Variants in GABRB3 observed in about 807,000 individuals in gnomAD.
GABRB3 encodes gamma-aminobutyric acid type A receptor subunit beta3, also known as gamma-aminobutyric acid receptor subunit beta-3.
A neutral mutation model predicts 52.1 loss-of-function variants in GABRB3; 14 were observed. The ratio of observed to expected loss-of-function variants is 0.27; its 90% CI spans 0.18 to 0.42. The LOEUF is 0.42. GABRB3 is among the 10% of genes least tolerant of loss of function. The pLI, the probability that GABRB3 is intolerant of heterozygous loss-of-function variation, is 1.00. For synonymous variants in GABRB3, 260 were observed against 232.3 expected, an observed-to-expected ratio of 1.12 and a Z score of -1.08; for missense variants, 307 against 609.1, an observed-to-expected ratio of 0.50 and a Z score of 5.22.
In GABRB3 at chr15:26,765,129, C is replaced by CA. The variant is rs3917083; in HGVS notation, c.240+7272dup. Among the ~76,000 whole-genome samples, 10 of 111,040 alleles carry CA rather than the reference C, an allele frequency of 9.0e-5. 1 individual carries two copies. The highest frequency in any genetic ancestry group is 1.4e-4 in the Non-Finnish European group (8 of 58,144). The allele number at this position is 111,040 out of a possible 152,430, so 72.8% of individuals were successfully genotyped here. ...GGGGTGACAGAGCGAGACTCCGACT[C>CA]AAAAAAAAAAAAAAAAGTCAAAACT... On this transcript the variant is annotated intron_variant, in intron 3 of 8. Transcript: ENST00000311550.
chr15:26,684,778 C>T (rs546481657), intron 3 of GABRB3, among the ~76,000 whole-genome samples: 2 of 152,244 alleles, frequency 1.3e-5, no homozygotes, highest in South Asian at 2.1e-4. Flanking sequence ...TTCAGCTCGC[C>T]GTCTTCTATG....
intron 3 of GABRB3, among the ~76,000 whole-genome samples, chr15:26,688,861 G>A (rs1888489340): frequency 6.6e-6 from 1 of 152,228 alleles, no homozygotes; most frequent in Admixed American, 6.5e-5. Context: ...GAGTGGCTAA[G>A]CTGTTGACAG....
At chr15:26,709,002 GATT>G (rs987463514) in intron 3 of GABRB3, among the ~76,000 whole-genome samples, 4 of 151,996 alleles carry the variant, frequency 2.6e-5, no homozygotes, top group African/African-American at 4.8e-5. Context: ...TTTAAATATT[GATT>G]ATTATCTTTT....
intron 3 of GABRB3, among the ~76,000 whole-genome samples, chr15:26,644,893 G>T (rs565303233): frequency 4.6e-5 from 7 of 152,322 alleles, no homozygotes; most frequent in Non-Finnish European, 1.0e-4. Context: ...AACTTGATAG[G>T]TTTGTAGTAA....
chr15:26,565,300 G>T (rs1358962904), intron 7 of GABRB3, among the ~76,000 whole-genome samples: 1 of 152,186 alleles, frequency 6.6e-6, no homozygotes, highest in Non-Finnish European at 1.5e-5. Context: ...AGGAGGGACA[G>T]AGGGAATGCA....
intron 1 of GABRB3, 45 bp downstream of exon 1, chr15:26,772,838 A>G (rs770927664): frequency 6.9e-7 from 1 of 1,443,862 alleles, no homozygotes; most frequent in African/African-American, 1.5e-5. Context: ...CGCCCCGCGC[A>G]CCCCGCGCCC....
intron 4 of GABRB3, among the ~76,000 whole-genome samples, chr15:26,606,805 T>TATAGATAGATAGATAGATAG (rs59223052): frequency 4.2e-5 from 5 of 118,052 alleles, no homozygotes; most frequent in African/African-American, 1.4e-4. Context: ...TAGATATATC[T>TATAGATAGATAGATAGATAG]ATAGATAGAT....
At chr15:26,561,267 A>G in intron 7 of GABRB3, 91 bp from the exon 8 acceptor site, 4 of 1,572,996 alleles carry the variant, frequency 2.5e-6, no homozygotes, top group Non-Finnish European at 3.5e-6. Flanking sequence ...AAACAGCTTT[A>G]AGTAGTCAGA....
intron 3 of GABRB3, among the ~76,000 whole-genome samples, chr15:26,642,061 T>C (rs918666871): frequency 1.3e-5 from 2 of 152,058 alleles, no homozygotes; most frequent in Non-Finnish European, 2.9e-5. Flanking sequence ...AGTTAATTTG[T>C]TAAAGAATTT....
At chr15:26,609,326 G>A (rs898460183) in intron 4 of GABRB3, among the ~76,000 whole-genome samples, 4 of 152,126 alleles carry the variant, frequency 2.6e-5, no homozygotes, top group Admixed American at 1.3e-4. Context: ...ACAGAGAATG[G>A]AGGATGGGGG....
chr15:26,727,945 G>A (rs565734412), intron 3 of GABRB3, among the ~76,000 whole-genome samples: 11 of 151,952 alleles, frequency 7.2e-5, no homozygotes, highest in Non-Finnish European at 1.6e-4. Context: ...ATTCTATCAC[G>A]TACCCCTGAG....
At chr15:26,763,736 G>C (rs999629085) in intron 3 of GABRB3, among the ~76,000 whole-genome samples, 10 of 151,960 alleles carry the variant, frequency 6.6e-5, no homozygotes, top group African/African-American at 2.4e-4. Context: ...TAAAAGAACA[G>C]TGATGTGATG....
At chr15:26,772,639 G>A (rs768949324) in intron 2 of GABRB3, 42 bp downstream of exon 2, 16 of 1,505,088 alleles carry the variant, frequency 1.1e-5, no homozygotes, top group Non-Finnish European at 1.3e-5. Context: ...CGCCGCCGCC[G>A]TGGGTCGCGC....
chr15:26,733,499 A>G (rs1445282639), intron 3 of GABRB3, among the ~76,000 whole-genome samples: 1 of 152,226 alleles, frequency 6.6e-6, no homozygotes, highest in Non-Finnish European at 1.5e-5. Flanking sequence ...CTAAAAGACT[A>G]TAAAGACATA....
intron 3 of GABRB3, among the ~76,000 whole-genome samples, chr15:26,724,529 C>A (rs1479229143): frequency 6.6e-6 from 1 of 152,176 alleles, no homozygotes; most frequent in Non-Finnish European, 1.5e-5. Context: ...AGCAAAATAA[C>A]CAACCAGCAT....
chr15:26,621,557 A>T lies in GABRB3; in HGVS notation c.241-23T>A, dbSNP rs376685915. 7 of 1,590,960 alleles carry T rather than the reference A, an allele frequency of 4.4e-6. No individual in the cohort carries two copies. The highest frequency in any genetic ancestry group is 1.7e-4 in the Middle Eastern group (1 of 5,994). On this transcript the variant is annotated intron_variant, in intron 3 of 8. Coordinates refer to ENST00000311550, the MANE Select transcript of GABRB3 (RefSeq NM_000814.6). The surrounding 1 kb of genome is among the most constrained non-coding windows in gnomAD (Gnocchi z 4.1). ...ATCCTGGGGGGAAAAGAAAAGAAAG[A>T]AAGTTAGTTTGTACCCAGCCACAGG...
intron 3 of GABRB3, among the ~76,000 whole-genome samples, chr15:26,681,411 G>A (rs1243557226): frequency 6.6e-6 from 1 of 152,274 alleles, no homozygotes; most frequent in African/African-American, 2.4e-5. Flanking sequence ...CAGAACCCAG[G>A]TGCTACACCT....
intron 3 of GABRB3, among the ~76,000 whole-genome samples, chr15:26,734,362 G>T (rs2316199): frequency 4.6e-5 from 7 of 151,846 alleles, no homozygotes; most frequent in South Asian, 2.1e-4. Context: ...GAAAACACAG[G>T]GCAAAATCTT....
At chr15:26,655,728 C>T (rs978765838) in intron 3 of GABRB3, among the ~76,000 whole-genome samples, 4 of 146,236 alleles carry the variant, frequency 2.7e-5, no homozygotes, top group African/African-American at 5.1e-5. Context: ...GGTGACACAG[C>T]GAGACTCTGT....
Sources: allele counts gnomAD v4.1 joint callset (sites outside exome capture counted in the v4.1 genomes callset), GRCh38; gene constraint gnomAD v4.1.1; non-coding constraint Gnocchi (gnomAD v3.1); transcripts MANE v1.5; gene names NCBI Gene and HGNC (gene_info 2026-07-23, HGNC 2026-07-21).